Variants in LTBP1 observed in about 807,000 individuals in gnomAD.
LTBP1 encodes latent transforming growth factor beta binding protein 1.
In LTBP1, 129 loss-of-function variants were observed where a neutral mutation model predicts 207.6. The ratio of observed to expected loss-of-function variants is 0.62; its 90% CI spans 0.54 to 0.72. The LOEUF (loss-of-function observed/expected upper bound fraction) is 0.72. LTBP1 is among the 30% of genes least tolerant of loss of function. The pLI, the probability that LTBP1 is intolerant of heterozygous loss-of-function variation, is 0.00. For synonymous variants in LTBP1, 963 were observed against 833.7 expected, an observed-to-expected ratio of 1.16 and a Z score of -2.67; for missense variants, 2,281 against 2,217.2, an observed-to-expected ratio of 1.03 and a Z score of -0.58.
chr2:32,986,147 G>T (rs1683533971), intron 2 of LTBP1, among the ~76,000 whole-genome samples: 1 of 152,202 alleles, frequency 6.6e-6, no homozygotes, highest in African/African-American at 2.4e-5. Flanking sequence ...TTAGATGAGT[G>T]TTGTAAACAT....
chr2:33,004,814 T>TATATATAA (rs1178147190), intron 2 of LTBP1, among the ~76,000 whole-genome samples: 5 of 136,564 alleles, frequency 3.7e-5, no homozygotes, highest in African/African-American at 7.8e-5. Flanking sequence ...TATATATATA[T>TATATATAA]AAACATAAAA....
intron 31 of LTBP1, among the ~76,000 whole-genome samples, chr2:33,381,475 A>G (rs1396146193): frequency 6.6e-6 from 1 of 152,186 alleles, no homozygotes; most frequent in Non-Finnish European, 1.5e-5. Context: ...GAGTATTAAC[A>G]TTTACAGGAG....
At chr2:32,995,098 C>T (rs971723647) in intron 2 of LTBP1, among the ~76,000 whole-genome samples, 5 of 151,830 alleles carry the variant, frequency 3.3e-5, no homozygotes, top group Non-Finnish European at 7.4e-5. Context: ...GTAAGAGGAT[C>T]ACTTGAGCTG....
intron 2 of LTBP1, among the ~76,000 whole-genome samples, chr2:33,003,974 A>T (rs1479896935): frequency 1.3e-5 from 2 of 152,228 alleles, no homozygotes; most frequent in African/African-American, 4.8e-5. Context: ...GTACCCAAGG[A>T]TAATTGTCTC....
At chr2:33,020,807 A>G (rs1186515019) in intron 2 of LTBP1, 102 bp from the exon 3 acceptor site, 1 of 1,172,348 alleles carries the variant, frequency 8.5e-7, no homozygotes, top group Non-Finnish European at 1.2e-6. Flanking sequence ...GTGGTTTTTT[A>G]TTGGAGAACA....
At chr2:33,012,703 AC>A (rs1277050617) in intron 2 of LTBP1, among the ~76,000 whole-genome samples, 1 of 152,234 alleles carries the variant, frequency 6.6e-6, no homozygotes, top group African/African-American at 2.4e-5. Flanking sequence ...AATAAAGATA[AC>A]ATGGATGGGA....
At chr2:33,238,808 G>A (rs933325927) in intron 9 of LTBP1, among the ~76,000 whole-genome samples, 6 of 152,184 alleles carry the variant, frequency 3.9e-5, no homozygotes, top group South Asian at 2.1e-4. Context: ...GTGAGATACG[G>A]TGTGCTATAG....
chr2:33,235,179 ACAAAGAACTTAAG>A (rs1471338808), intron 9 of LTBP1, among the ~76,000 whole-genome samples: 2 of 152,248 alleles, frequency 1.3e-5, no homozygotes, highest in Non-Finnish European at 2.9e-5. Flanking sequence ...TCCAGAATCT[ACAAAGAACTTAAG>A]CAAATTTACA....
chr2:33,367,706 G>T (rs1034912420), intron 31 of LTBP1, among the ~76,000 whole-genome samples: 1 of 152,086 alleles, frequency 6.6e-6, no homozygotes, highest in Non-Finnish European at 1.5e-5. Flanking sequence ...CGGCTTAGTG[G>T]TATTACATGG....
At chr2:33,185,020 G>C (rs1011608150) in intron 5 of LTBP1, among the ~76,000 whole-genome samples, 3 of 152,166 alleles carry the variant, frequency 2.0e-5, no homozygotes, top group African/African-American at 7.2e-5. Flanking sequence ...CTAGAAGTGA[G>C]GTTCAGGCAG....
chr2:33,301,156 C>T (rs563140030), intron 21 of LTBP1, among the ~76,000 whole-genome samples: 30 of 152,178 alleles, frequency 2.0e-4, no homozygotes, highest in Non-Finnish European at 3.8e-4. Flanking sequence ...TTGAATTGCA[C>T]ACAGAAATAC....
intron 20 of LTBP1, among the ~76,000 whole-genome samples, chr2:33,294,819 C>A (rs1026055561): frequency 2.6e-5 from 4 of 151,390 alleles, no homozygotes; most frequent in African/African-American, 7.3e-5. Context: ...CCTTTTGATC[C>A]ACCTGCCTCA....
At chr2:33,298,608 C>T (rs1167800835) in intron 20 of LTBP1, among the ~76,000 whole-genome samples, 1 of 152,218 alleles carries the variant, frequency 6.6e-6, no homozygotes. Context: ...CTGATCTTTG[C>T]TGGCAACCAT....
chr2:33,079,342 G>C (rs2078268290), intron 3 of LTBP1, among the ~76,000 whole-genome samples: 1 of 152,180 alleles, frequency 6.6e-6, no homozygotes, highest in African/African-American at 2.4e-5. Context: ...CACACATGGG[G>C]ATGGAAGAAG....
intron 3 of LTBP1, among the ~76,000 whole-genome samples, chr2:33,051,169 C>A (rs1461689672): frequency 2.6e-5 from 4 of 152,070 alleles, no homozygotes; most frequent in African/African-American, 9.7e-5. Context: ...GTGATCACAG[C>A]GCTTTAGGAG....
intron 5 of LTBP1, among the ~76,000 whole-genome samples, chr2:33,170,029 A>G (rs1034321876): frequency 6.6e-6 from 1 of 152,258 alleles, no homozygotes; most frequent in African/African-American, 2.4e-5. Flanking sequence ...AGCAGCCAAG[A>G]TGGCCGAATA....
intron 3 of LTBP1, among the ~76,000 whole-genome samples, chr2:33,024,545 C>T (rs2075324226): frequency 6.6e-6 from 1 of 152,138 alleles, no homozygotes; most frequent in Non-Finnish European, 1.5e-5. Context: ...TTGGTTTTAC[C>T]TTTGGCTGAA....
intron 31 of LTBP1, among the ~76,000 whole-genome samples, chr2:33,376,403 A>G (rs374413127): frequency 1.2e-4 from 18 of 152,222 alleles, no homozygotes; most frequent in African/African-American, 4.3e-4. Flanking sequence ...TAACTTCATT[A>G]TTTCTGTAGC....
intron 3 of LTBP1, among the ~76,000 whole-genome samples, chr2:33,080,777 C>G (rs1341162165): frequency 6.6e-6 from 1 of 152,172 alleles, no homozygotes. Flanking sequence ...CTTGCACATA[C>G]ATACACTTTC....
Sources: gnomAD v4.1 joint callset for allele counts (sites outside exome capture counted in the v4.1 genomes callset) on GRCh38, gnomAD v4.1.1 for gene constraint, MANE v1.5 for transcripts, NCBI Gene and HGNC (gene_info 2026-07-23, HGNC 2026-07-21) for gene names.